Variants in PLAAT3 observed in about 807,000 individuals in gnomAD.
PLAAT3 encodes the protein Ca-independent phospholipase A1/2.
Under a neutral mutation model 16.7 loss-of-function variants are expected in PLAAT3, and 21 were observed. The ratio of observed to expected loss-of-function variants is 1.26; its 90% CI spans 0.89 to 1.81. PLAAT3 has a LOEUF of 1.81. Among genes scored for constraint, PLAAT3 ranks in the 40% most tolerant of loss-of-function variants. PLAAT3 has a pLI of 0.00. For missense variants in PLAAT3, 219 were observed against 213.7 expected (o/e 1.02, Z -0.16); for synonymous variants, 76 against 81.7 (o/e 0.93, Z 0.38).
In PLAAT3 at chr11:63,590,485, G is replaced by A. The variant is rs1011053700; in HGVS notation, c.119-117C>T. ...CTCATCCACAAAGGATAAGCAACAA[G>A]TGGAAGGGTCAGACGCATGGCTGTG... On this transcript the variant is annotated intron_variant, in intron 3 of 4. Coordinates refer to ENST00000415826, the MANE Select transcript of PLAAT3 (RefSeq NM_001128203.2). The A allele has an allele frequency of 1.6e-4, 133 of 829,306 alleles. 1 individual carries two copies. The East Asian group carries it at 3.4e-3, about 21-fold the overall frequency. The allele number at this position is 829,306 out of a possible 1,614,324, so 51.4% of individuals were successfully genotyped here. A position where few individuals can be genotyped will look rare whatever the true frequency, so the allele number is the denominator to read the frequency against.
At chr11:63,605,419 T>C (rs1045209440) in intron 2 of PLAAT3, among the ~76,000 whole-genome samples, 6 of 151,966 alleles carry the variant, frequency 3.9e-5, no homozygotes, top group Non-Finnish European at 8.8e-5. Flanking sequence ...AAAACAAAGT[T>C]AAAGGAAGTT....
intron 2 of PLAAT3, among the ~76,000 whole-genome samples, chr11:63,598,900 G>A (rs1014092974): frequency 2.0e-5 from 3 of 152,230 alleles, no homozygotes; most frequent in African/African-American, 2.4e-5. Flanking sequence ...GTGAGACTAC[G>A]TGTGAGAGTG....
intron 2 of PLAAT3, among the ~76,000 whole-genome samples, chr11:63,612,665 T>G (rs569892442): frequency 1.3e-5 from 2 of 152,370 alleles, no homozygotes; most frequent in African/African-American, 4.8e-5. Context: ...AGTGTTACTA[T>G]TATTCATCTC....
chr11:63,603,371 C>T (rs1938476404), intron 2 of PLAAT3, among the ~76,000 whole-genome samples: 2 of 152,086 alleles, frequency 1.3e-5, no homozygotes, highest in Admixed American at 6.6e-5. Context: ...GACTCTGCAC[C>T]CACGGGATTT....
intron 2 of PLAAT3, among the ~76,000 whole-genome samples, chr11:63,605,390 C>T (rs565538917): frequency 4.0e-4 from 61 of 152,128 alleles, no homozygotes; most frequent in African/African-American, 1.3e-3. Context: ...AAGAGCGAGA[C>T]TGTCTCAAAA....
At chr11:63,615,396 ATGTGTGTATATGTGTGTG>A (rs1347871785), upstream of PLAAT3, among the ~76,000 whole-genome samples, 38 of 75,818 alleles carry the variant, frequency 5.0e-4, 9 homozygotes, top group South Asian at 7.1e-3. Context: ...ATGTGTATAT[ATGTGTGTATATGTGTGTG>A]TGTGTGTGTG....
Position 63,574,962 on chromosome 11 carries a change from T to G in PLAAT3, c.472A>C (p.Lys158Gln), listed in dbSNP as rs960724608. 6.2e-6 allele frequency: 10 copies of G among 1,608,868 alleles called. No homozygotes were observed. In the African/African-American group the frequency reaches 1.3e-4, roughly 21 times the overall value. The change falls in exon 5 of 5, where the codon AAG (lysine) becomes CAG (glutamine). Residue 158 changes from lysine to glutamine, a missense_variant. Coordinates refer to ENST00000415826, the MANE Select transcript of PLAAT3 (RefSeq NM_001128203.2). ...SLIGVMFSRN[K>Q]RQKQ Reference sequence around the variant, plus strand: ...TTTTTCAGTTATTGCTTTTGTCGCTTGTTTCTTGAGAACATGACTCCAATA... The same window carrying G: ...TTTTTCAGTTATTGCTTTTGTCGCTGGTTTCTTGAGAACATGACTCCAATA...
intron 2 of PLAAT3, among the ~76,000 whole-genome samples, chr11:63,599,802 A>G (rs1938378456): frequency 6.6e-6 from 1 of 152,080 alleles, no homozygotes; most frequent in South Asian, 2.1e-4. Flanking sequence ...CCTCAAACAG[A>G]CAAGGACATA....
chr11:63,607,677 C>T (rs895956094), intron 2 of PLAAT3, among the ~76,000 whole-genome samples: 3 of 151,700 alleles, frequency 2.0e-5, no homozygotes, highest in Admixed American at 1.3e-4. Context: ...CATCCAAATC[C>T]TACACACCGT....
intron 2 of PLAAT3, among the ~76,000 whole-genome samples, chr11:63,604,202 G>A (rs1451626277): frequency 6.6e-6 from 1 of 152,122 alleles, no homozygotes; most frequent in Non-Finnish European, 1.5e-5. Context: ...CTACATATGA[G>A]CTAAGGAAAA....
intron 1 of PLAAT3, 80 bp from the exon 2 acceptor site, chr11:63,614,148 G>T (rs745999804): frequency 8.7e-6 from 11 of 1,268,108 alleles, no homozygotes; most frequent in Non-Finnish European, 1.3e-5. Context: ...GGCTTCTGTT[G>T]GGCAGGGCGT....
chr11:63,595,206 G>A (rs183871602), intron 3 of PLAAT3, among the ~76,000 whole-genome samples: 1 of 149,380 alleles, frequency 6.7e-6, no homozygotes, highest in Admixed American at 6.8e-5. Context: ...CAGGAGACTC[G>A]CTTAAAAGCA....
rs185109980 is a variant in PLAAT3 at position 63,575,746 on chromosome 11, C to A, written c.388-700G>T. Among the ~76,000 whole-genome samples the A allele has an allele frequency of 2.6e-5, 4 of 152,164 alleles. No homozygotes were observed. In the East Asian group the frequency reaches 7.7e-4, roughly 29 times the overall value. On this transcript the variant is annotated intron_variant, in intron 4 of 4. Coordinates refer to ENST00000415826, the MANE Select transcript of PLAAT3 (RefSeq NM_001128203.2). ...GGCATTTGTTTAAGGCATAATTCCA[C>A]AAGAATACAGAAAGCACTAAATCCT... is the stretch of plus-strand genomic sequence containing the variant.
At position 63,575,048 on chromosome 11, in the gene PLAAT3, T is replaced by C. The variant is rs773589131; in HGVS notation, c.388-2A>G. The C allele has an allele frequency of 1.9e-6, 3 of 1,601,128 alleles. No individual in the cohort carries two copies. The highest frequency in any genetic ancestry group is 2.6e-6 in the Non-Finnish European group (3 of 1,168,322). ...TGCAGCGATGATGACATCTCTGACC[T>C]GCAACAAAGAAGAGGGTGGGTCACA... On this transcript the variant is annotated splice_acceptor_variant, in intron 4 of 4. Transcript: ENST00000415826. LOFTEE classifies it high-confidence loss of function.
chr11:63,611,910 G>A (rs956774908), intron 2 of PLAAT3, among the ~76,000 whole-genome samples: 15 of 152,074 alleles, frequency 9.9e-5, no homozygotes, highest in South Asian at 4.2e-4. Context: ...AGGCCGAGGC[G>A]GGCACATCAC....
chr11:63,601,838 G>A (rs756195320), intron 2 of PLAAT3, among the ~76,000 whole-genome samples: 5 of 152,240 alleles, frequency 3.3e-5, no homozygotes, highest in South Asian at 2.1e-4. Flanking sequence ...TTAGCCAGAC[G>A]TGGTGGCGTA....
chr11:63,609,450 C>T (rs1008394065), intron 2 of PLAAT3, among the ~76,000 whole-genome samples: 2 of 152,230 alleles, frequency 1.3e-5, no homozygotes, highest in South Asian at 2.1e-4. Context: ...GATCACTTCA[C>T]CTCTCTGAAC....
intron 2 of PLAAT3, among the ~76,000 whole-genome samples, chr11:63,606,706 G>A (rs1310108804): frequency 2.0e-5 from 3 of 152,206 alleles, no homozygotes; most frequent in Non-Finnish European, 4.4e-5. Context: ...GCCGAGCAAA[G>A]GCCCCAGCGG....
chr11:63,577,320 C>T (rs1440923850), intron 4 of PLAAT3, among the ~76,000 whole-genome samples: 3 of 152,008 alleles, frequency 2.0e-5, no homozygotes, highest in East Asian at 1.9e-4. Context: ...TACAGGCACC[C>T]GCCACCACGC....
Sources: allele counts gnomAD v4.1 joint callset (sites outside exome capture counted in the v4.1 genomes callset), GRCh38; gene constraint gnomAD v4.1.1; transcripts MANE v1.5; gene names NCBI Gene and HGNC (gene_info 2026-07-23, HGNC 2026-07-21).